The following UBXN2B variants were observed in gnomAD, a reference collection of about 807,000 sequenced individuals.
UBXN2B encodes UBX domain-containing protein 2B.
Under a neutral mutation model 37.5 loss-of-function variants are expected in UBXN2B, and 19 were observed. The ratio of observed to expected loss-of-function variants is 0.51; its 90% CI spans 0.35 to 0.74. The LOEUF (loss-of-function observed/expected upper bound fraction) is 0.74. Among genes scored for constraint, UBXN2B ranks in the 30% least tolerant of loss-of-function variants. The probability of loss-of-function intolerance (pLI) is 0.01; values close to 1 mark genes in which losing one functional copy is unlikely to be tolerated. For missense variants in UBXN2B, 370 were observed against 393.2 expected (o/e 0.94, Z 0.50); for synonymous variants, 145 against 143.8 (o/e 1.01, Z -0.06).
intron 1 of UBXN2B, among the ~76,000 whole-genome samples, chr8:58,416,323 A>G (rs1172794764): frequency 1.3e-5 from 2 of 152,092 alleles, no homozygotes; most frequent in East Asian, 3.8e-4. Flanking sequence ...TATATAAACC[A>G]TATATAATTT....
At chr8:58,413,136 G>A (rs979052317) in intron 1 of UBXN2B, among the ~76,000 whole-genome samples, 7 of 152,260 alleles carry the variant, frequency 4.6e-5, no homozygotes, top group African/African-American at 1.7e-4. Flanking sequence ...GTTGCTAATT[G>A]TGAGAATGCC....
chr8:58,426,651 G>C (rs1163122227), intron 2 of UBXN2B: 5 of 740,022 alleles, frequency 6.8e-6, no homozygotes, highest in Non-Finnish European at 1.3e-5. Flanking sequence ...CTCCACCCCA[G>C]TGATATTTGG....
intron 6 of UBXN2B, among the ~76,000 whole-genome samples, chr8:58,442,504 A>T (rs977446052): frequency 3.9e-5 from 6 of 152,262 alleles, no homozygotes; most frequent in African/African-American, 1.2e-4. Context: ...ATTGTCTTCC[A>T]TAGATGGCAG....
intron 2 of UBXN2B, among the ~76,000 whole-genome samples, chr8:58,423,372 A>G (rs1807979737): frequency 6.6e-6 from 1 of 152,062 alleles, no homozygotes; most frequent in Non-Finnish European, 1.5e-5. Flanking sequence ...GCAGGCTGGC[A>G]GAAGAACAGC....
chr8:58,412,585 G>A (rs1807666508), intron 1 of UBXN2B, among the ~76,000 whole-genome samples: 1 of 152,206 alleles, frequency 6.6e-6, no homozygotes, highest in African/African-American at 2.4e-5. Context: ...TGGTTCAGTA[G>A]TAGTAAACAG....
At chr8:58,428,388 T>C (rs1808159291) in intron 2 of UBXN2B, among the ~76,000 whole-genome samples, 1 of 152,178 alleles carries the variant, frequency 6.6e-6, no homozygotes, top group East Asian at 1.9e-4. Flanking sequence ...GTATACAAAT[T>C]GGAAATAAAT....
Position 58,438,279 on chromosome 8 carries a change from CCAGA to C in UBXN2B, c.534-1349_534-1346del, listed in dbSNP as rs1808463942. 2.0e-5 allele frequency among the ~76,000 whole-genome samples: 3 copies of C among 152,300 alleles called. No individual in the cohort carries two copies. In the South Asian group the frequency reaches 6.2e-4, roughly 32 times the overall value. Reference sequence around the variant, plus strand: ...AAAGGGAAATGTGAGGTTGGAGCCCCCAGACAGAGTCCCCACTGGTGCACTGCCT... The same window carrying C: ...AAAGGGAAATGTGAGGTTGGAGCCCCCAGAGTCCCCACTGGTGCACTGCCT... On this transcript the variant is annotated intron_variant, in intron 5 of 7. Coordinates refer to ENST00000399598, the MANE Select transcript of UBXN2B (RefSeq NM_001077619.2).
At chr8:58,420,789 T>C (rs773664575) in intron 2 of UBXN2B, among the ~76,000 whole-genome samples, 1 of 152,208 alleles carries the variant, frequency 6.6e-6, no homozygotes, top group Non-Finnish European at 1.5e-5. Context: ...GTGAACTGCC[T>C]GTAGTGAAAA....
chr8:58,419,225 A>G (rs927114088), intron 2 of UBXN2B, among the ~76,000 whole-genome samples: 5 of 152,176 alleles, frequency 3.3e-5, no homozygotes, highest in Non-Finnish European at 5.9e-5. Context: ...TTTTCTACGT[A>G]TGATATCTTC....
intron 4 of UBXN2B, among the ~76,000 whole-genome samples, chr8:58,434,160 A>T (rs1457563854): frequency 6.6e-6 from 1 of 152,186 alleles, no homozygotes; most frequent in African/African-American, 2.4e-5. Flanking sequence ...TGGTATTTGC[A>T]GCCATTGTCA....
chr8:58,425,884 A>G, intron 2 of UBXN2B: 3 of 1,172,544 alleles, frequency 2.6e-6, no homozygotes, highest in Non-Finnish European at 3.8e-6. Context: ...ACTTGCCGTT[A>G]TTGTTCTCCC....
intron 4 of UBXN2B, 21 bp from the exon 5 acceptor site, chr8:58,434,365 ATATATTTTT>A: frequency 1.8e-6 from 1 of 558,384 alleles, no homozygotes. Context: ...ATATATATAT[ATATATTTTT>A]TTTTTTTCTA....
At chr8:58,419,193 T>C (rs1807861088) in intron 2 of UBXN2B, among the ~76,000 whole-genome samples, 1 of 152,222 alleles carries the variant, frequency 6.6e-6, no homozygotes, top group Non-Finnish European at 1.5e-5. Context: ...ATACAATGTA[T>C]AGCAGATTGT....
chr8:58,433,293 C>T (rs773035241), intron 4 of UBXN2B, 50 bp downstream of exon 4: 1 of 1,439,412 alleles, frequency 6.9e-7, no homozygotes, highest in African/African-American at 1.4e-5. Context: ...CTTCTAGTTA[C>T]TAAAACTGTT....
chr8:58,444,206 A>G (rs999612054), intron 6 of UBXN2B, among the ~76,000 whole-genome samples: 3 of 152,222 alleles, frequency 2.0e-5, no homozygotes, highest in African/African-American at 7.2e-5. Context: ...CAGCTCTCTC[A>G]CTTACCAATA....
intron 2 of UBXN2B, chr8:58,425,671 T>G: frequency 1.7e-6 from 2 of 1,172,296 alleles, no homozygotes; most frequent in East Asian, 2.3e-5. Flanking sequence ...GCTAATTTGC[T>G]TAGTTCTCGA....
intron 6 of UBXN2B, among the ~76,000 whole-genome samples, chr8:58,441,923 C>G (rs969554249): frequency 3.3e-5 from 5 of 152,162 alleles, no homozygotes; most frequent in African/African-American, 1.2e-4. Context: ...CTGGAAGAGG[C>G]AAGCAAACCA....
At chr8:58,446,168 T>A in intron 7 of UBXN2B, 100 bp downstream of exon 7, 1 of 1,235,554 alleles carries the variant, frequency 8.1e-7, no homozygotes, top group East Asian at 2.7e-5. Flanking sequence ...GAATATGATA[T>A]TCTTTAGGTT....
chr8:58,421,883 A>T (rs578143669), intron 2 of UBXN2B, among the ~76,000 whole-genome samples: 1 of 152,236 alleles, frequency 6.6e-6, no homozygotes, highest in South Asian at 2.1e-4. Context: ...TGAAATCAAT[A>T]TAACAAACAA....
Sources: gnomAD v4.1 joint callset for allele counts (sites outside exome capture counted in the v4.1 genomes callset) on GRCh38, gnomAD v4.1.1 for gene constraint, MANE v1.5 for transcripts, NCBI Gene and HGNC (gene_info 2026-07-23, HGNC 2026-07-21) for gene names.